The following FAM118B variants were observed in gnomAD, a reference collection of about 807,000 sequenced individuals.
FAM118B encodes the protein protein FAM118B.
FAM118B carries 24 observed loss-of-function variants against 38.5 expected under a neutral mutation model. That is an observed-to-expected ratio of 0.62 (90% confidence interval 0.45 to 0.88). The LOEUF (loss-of-function observed/expected upper bound fraction) is 0.88, where lower values mean the gene tolerates loss of function less well. Among genes scored for constraint, FAM118B ranks in the 40% least tolerant of loss-of-function variants. The pLI is 0.00. For synonymous variants in FAM118B, 138 were observed against 156.3 expected, an observed-to-expected ratio of 0.88 and a Z score of 0.87; for missense variants, 334 against 420.0, an observed-to-expected ratio of 0.80 and a Z score of 1.79.
At chr11:126,219,649 A>T (rs553850875) in intron 1 of FAM118B, among the ~76,000 whole-genome samples, 21 of 152,070 alleles carry the variant, frequency 1.4e-4, no homozygotes, top group Non-Finnish European at 2.8e-4. Flanking sequence ...CAGGTTTGAG[A>T]TCTGTTGCCA....
At chr11:126,217,189 A>G (rs2135123517) in intron 1 of FAM118B, among the ~76,000 whole-genome samples, 1 of 152,334 alleles carries the variant, frequency 6.6e-6, no homozygotes, top group Middle Eastern at 3.4e-3. Flanking sequence ...TTATGAAAAA[A>G]CGATGTTGAA....
chr11:126,249,783 A>G (rs527909990), intron 4 of FAM118B, among the ~76,000 whole-genome samples: 79 of 151,814 alleles, frequency 5.2e-4, no homozygotes, highest in African/African-American at 1.8e-3. Flanking sequence ...CCAAACCACA[A>G]TTAGGGCTGT....
intron 4 of FAM118B, among the ~76,000 whole-genome samples, chr11:126,246,833 A>C (rs1216969406): frequency 6.6e-6 from 1 of 152,078 alleles, no homozygotes; most frequent in Non-Finnish European, 1.5e-5. Context: ...GTTGTGTGGG[A>C]GTTTGGCATT....
At chr11:126,232,527 T>A (rs1331645822) in intron 2 of FAM118B, among the ~76,000 whole-genome samples, 15 of 152,168 alleles carry the variant, frequency 9.9e-5, no homozygotes, top group African/African-American at 3.4e-4. Context: ...AAGCATGAAC[T>A]TCCCTCTACA....
chr11:126,227,210 CCA>C (rs1261567989), intron 1 of FAM118B, among the ~76,000 whole-genome samples: 1 of 151,788 alleles, frequency 6.6e-6, no homozygotes, highest in Non-Finnish European at 1.5e-5. Flanking sequence ...CTACAGGCAC[CCA>C]CCACCATGCC....
At chr11:126,239,160 A>C (rs1950321641) in intron 3 of FAM118B, among the ~76,000 whole-genome samples, 1 of 151,850 alleles carries the variant, frequency 6.6e-6, no homozygotes, top group Non-Finnish European at 1.5e-5. Flanking sequence ...TGTTTGGCAG[A>C]GATGGGGTCT....
At chr11:126,240,742 C>T in intron 3 of FAM118B, 50 bp from the exon 4 acceptor site, 2 of 1,519,048 alleles carry the variant, frequency 1.3e-6, no homozygotes, top group Non-Finnish European at 1.8e-6. Flanking sequence ...TTTCTGTGTG[C>T]CTCATATCTA....
chr11:126,240,786 T>TTA lies in FAM118B; in HGVS notation c.87-3_87-2dup. 6.3e-7 allele frequency: 1 copy of TTA among 1,598,784 alleles called. No individual in the cohort carries two copies. On this transcript the variant is annotated splice_region_variant and splice_polypyrimidine_tract_variant and intron_variant, in intron 3 of 8. Transcript: ENST00000533050. ...TCCAATCCTCTCATTTGTTTTGCTT[T>TTA]TATAGGAAGCTGCTTCCAAGCTTAA...
At chr11:126,257,529 G>A (rs1295722016) in intron 7 of FAM118B, among the ~76,000 whole-genome samples, 1 of 150,590 alleles carries the variant, frequency 6.6e-6, no homozygotes, top group Non-Finnish European at 1.5e-5. Context: ...AAAAAAAAAA[G>A]TTAGAGACAT....
intron 3 of FAM118B, among the ~76,000 whole-genome samples, 175 bp downstream of exon 3, chr11:126,235,262 G>T (rs1950258576): frequency 6.6e-6 from 1 of 152,164 alleles, no homozygotes; most frequent in South Asian, 2.1e-4. Flanking sequence ...AGGCAGTACA[G>T]GTACATAGTT....
intron 4 of FAM118B, among the ~76,000 whole-genome samples, chr11:126,248,676 C>T (rs943935684): frequency 6.6e-5 from 10 of 152,060 alleles, no homozygotes; most frequent in African/African-American, 9.7e-5. Flanking sequence ...GGCCCAGACT[C>T]GCTTTTATAA....
At chr11:126,240,698 G>A in intron 3 of FAM118B, 94 bp from the exon 4 acceptor site, 2 of 1,318,176 alleles carry the variant, frequency 1.5e-6, no homozygotes, top group Non-Finnish European at 2.1e-6. Flanking sequence ...AACTATAAAA[G>A]TTAGCTAAAA....
At chr11:126,214,514 G>GTTTGTTTTTGTTT (rs1949951505) in intron 1 of FAM118B, 1 of 41,500 alleles carries the variant, frequency 2.4e-5, no homozygotes, top group African/African-American at 5.8e-5. Context: ...TTTTTTTTTT[G>GTTTGTTTTTGTTT]TTTTTTTTTT....
chr11:126,226,136 T>G (rs577553142), intron 1 of FAM118B, among the ~76,000 whole-genome samples: 3 of 148,784 alleles, frequency 2.0e-5, no homozygotes, highest in African/African-American at 7.5e-5. Context: ...TTCCTATCAC[T>G]GTGAGTTAGG....
intron 3 of FAM118B, among the ~76,000 whole-genome samples, chr11:126,235,675 T>G (rs113926677): frequency 6.6e-6 from 1 of 152,302 alleles, no homozygotes; most frequent in African/African-American, 2.4e-5. Flanking sequence ...CCTGCCACCA[T>G]GCCCAGCTAA....
rs985339883 is a variant in FAM118B at position 126,255,464 on chromosome 11, T to C, written c.696+1031T>C. Among the ~76,000 whole-genome samples the C allele has an allele frequency of 8.5e-5, 13 of 152,224 alleles. No individual in the cohort carries two copies. Among genetic ancestry groups the C allele is most frequent in the Non-Finnish European group, 1.9e-4 (13 of 68,050 alleles). Reference sequence around the variant, plus strand: ...TTGAGTGATCCCTTAGGCAGTCATTTCTGTGTTTTTGTGTGTGTATATGTA... The same window carrying C: ...TTGAGTGATCCCTTAGGCAGTCATTCCTGTGTTTTTGTGTGTGTATATGTA... On this transcript the variant is annotated intron_variant, in intron 6 of 8. Transcript: ENST00000533050. This position sits in a 1 kb window ranked among gnomAD's most constrained non-coding sequence, Gnocchi z 4.6.
intron 1 of FAM118B, among the ~76,000 whole-genome samples, chr11:126,220,612 G>A (rs1950051587): frequency 6.6e-6 from 1 of 152,106 alleles, no homozygotes; most frequent in Non-Finnish European, 1.5e-5. Flanking sequence ...CTGCTTAGGA[G>A]GCTGAGATAG....
chr11:126,216,130 C>T (rs748026366), intron 1 of FAM118B, among the ~76,000 whole-genome samples: 32 of 152,148 alleles, frequency 2.1e-4, no homozygotes, highest in Non-Finnish European at 3.5e-4. Context: ...AATCCCAGCA[C>T]TTTGGGAGGC....
In FAM118B at chr11:126,252,562, G is replaced by T. The variant is rs1950519078; in HGVS notation, c.568-1743G>T. Among the ~76,000 whole-genome samples the T allele has an allele frequency of 6.6e-6, 1 of 152,014 alleles. No homozygotes were observed. The highest frequency in any genetic ancestry group is 1.5e-5 in the Non-Finnish European group (1 of 68,006). On this transcript the variant is annotated intron_variant, in intron 5 of 8. Transcript: ENST00000533050. This position sits in a 1 kb window ranked among gnomAD's most constrained non-coding sequence, Gnocchi z 4.7. ...GTTCAAGACCAACCTGGGCATCATA[G>T]CAAGACCCCATCTCTACAAAAAGTT...
Sources: allele counts gnomAD v4.1 joint callset (sites outside exome capture counted in the v4.1 genomes callset), GRCh38; gene constraint gnomAD v4.1.1; non-coding constraint Gnocchi (gnomAD v3.1); transcripts MANE v1.5; gene names NCBI Gene and HGNC (gene_info 2026-07-23, HGNC 2026-07-21).